SLC38A12: variants seen among roughly 807,000 people sequenced by gnomAD.
SLC38A12 encodes putative sodium-coupled neutral amino acid transporter 12.
At chr17:74,797,903 TGGCCCCTTG>T in the SLC38A12 span, among the ~76,000 whole-genome samples, 1 of 152,224 alleles carries the variant, frequency 6.6e-6, no homozygotes, top group East Asian at 1.9e-4. Flanking sequence ...TTCCATCAAG[TGGCCCCTTG>T]GGCCCCAGAG....
chr17:74,780,313 A>T, the SLC38A12 span, among the ~76,000 whole-genome samples: 1 of 152,196 alleles, frequency 6.6e-6, no homozygotes, highest in African/African-American at 2.4e-5. Flanking sequence ...TGCTGGGTGG[A>T]GACGAGGCAT....
chr17:74,825,739 A>C, the SLC38A12 span, among the ~76,000 whole-genome samples: 1 of 152,206 alleles, frequency 6.6e-6, no homozygotes, highest in South Asian at 2.1e-4. Context: ...GTCCCAGATC[A>C]CTCGTGGTTG....
the SLC38A12 span, among the ~76,000 whole-genome samples, chr17:74,797,526 T>A: frequency 6.6e-6 from 1 of 152,194 alleles, no homozygotes; most frequent in Non-Finnish European, 1.5e-5. Flanking sequence ...TTCTGTTTGC[T>A]CAGAGGCTTT....
the SLC38A12 span, chr17:74,795,202 C>CA: frequency 9.4e-7 from 1 of 1,064,736 alleles, no homozygotes; most frequent in Non-Finnish European, 1.4e-6. Context: ...AGCACCATGC[C>CA]AAGTGAGTTC....
the SLC38A12 span, among the ~76,000 whole-genome samples, chr17:74,787,277 C>G: frequency 6.6e-6 from 1 of 151,950 alleles, no homozygotes; most frequent in Non-Finnish European, 1.5e-5. Context: ...CTTGTCAACA[C>G]TCAGGGAGAG....
chr17:74,835,951 C>T, the SLC38A12 span: 1 of 1,610,670 alleles, frequency 6.2e-7, no homozygotes, highest in Non-Finnish European at 8.5e-7. Flanking sequence ...ATTGTGCTGG[C>T]CCTGATCCGC....
At chr17:74,824,290 C>T in the SLC38A12 span, among the ~76,000 whole-genome samples, 1 of 152,176 alleles carries the variant, frequency 6.6e-6, no homozygotes, top group Non-Finnish European at 1.5e-5. Context: ...AAGGCAGGCT[C>T]ATCTCACAGA....
At chr17:74,786,301 C>T in the SLC38A12 span, among the ~76,000 whole-genome samples, 2 of 152,074 alleles carry the variant, frequency 1.3e-5, no homozygotes, top group Admixed American at 6.6e-5. Context: ...TCCATTCTCT[C>T]AACCGGGTAG....
the SLC38A12 span, chr17:74,836,276 C>T: frequency 6.2e-7 from 1 of 1,611,802 alleles, no homozygotes; most frequent in Admixed American, 1.7e-5. This position sits in a 1 kb window ranked among gnomAD's most constrained non-coding sequence, Gnocchi z 4.2. Flanking sequence ...TGGGCCTCTT[C>T]CCCGTCTTCA....
At chr17:74,800,326 A>T in the SLC38A12 span, among the ~76,000 whole-genome samples, 2 of 152,124 alleles carry the variant, frequency 1.3e-5, no homozygotes, top group African/African-American at 4.8e-5. Context: ...CATCATTGTC[A>T]CCGACTTGAT....
chr17:74,835,922 C>T, the SLC38A12 span: 1 of 1,594,980 alleles, frequency 6.3e-7, no homozygotes. Flanking sequence ...TCTCTCGTTT[C>T]CCAGCTTTCG....
At chr17:74,819,484 C>T in the SLC38A12 span, among the ~76,000 whole-genome samples, 2 of 152,232 alleles carry the variant, frequency 1.3e-5, no homozygotes, top group African/African-American at 2.4e-5. Context: ...CCTGGAATGA[C>T]ACCTGGGCCT....
the SLC38A12 span, among the ~76,000 whole-genome samples, chr17:74,817,072 T>C: frequency 2.9e-5 from 4 of 135,718 alleles, no homozygotes; most frequent in Non-Finnish European, 6.2e-5. Context: ...GCGCATGCCA[T>C]TGCCTCTGTC....
At chr17:74,816,111 A>G in the SLC38A12 span, among the ~76,000 whole-genome samples, 1 of 152,168 alleles carries the variant, frequency 6.6e-6, no homozygotes, top group Non-Finnish European at 1.5e-5. Context: ...CTGTGCTTAA[A>G]TCTCATTTCT....
chr17:74,838,886 G>C, the SLC38A12 span: 2 of 1,535,012 alleles, frequency 1.3e-6, no homozygotes, highest in African/African-American at 1.4e-5. Flanking sequence ...CCATTTTGCA[G>C]ATGGGCCCCC....
chr17:74,814,645 G>A, the SLC38A12 span, among the ~76,000 whole-genome samples: 1 of 152,172 alleles, frequency 6.6e-6, no homozygotes, highest in Non-Finnish European at 1.5e-5. Flanking sequence ...GTCAGGCACT[G>A]CCCCCCGCAG....
chr17:74,796,615 T>C, the SLC38A12 span, among the ~76,000 whole-genome samples: 1 of 152,276 alleles, frequency 6.6e-6, no homozygotes, highest in Non-Finnish European at 1.5e-5. Flanking sequence ...GCCTGGGCCA[T>C]GGAGAGGTTG....
At chr17:74,837,762 C>A in the SLC38A12 span, 14 of 985,778 alleles carry the variant, frequency 1.4e-5, no homozygotes, top group South Asian at 6.6e-4. Flanking sequence ...CATGCACGCA[C>A]TTGCTGGGCT....
chr17:74,830,958 C>T, the SLC38A12 span, among the ~76,000 whole-genome samples: 2 of 152,250 alleles, frequency 1.3e-5, no homozygotes, highest in Non-Finnish European at 2.9e-5. Context: ...CTCGCGGGGC[C>T]TCAGTGAGGC....
Sources: gnomAD v4.1 joint callset for allele counts (sites outside exome capture counted in the v4.1 genomes callset) on GRCh38, gnomAD v4.1.1 for gene constraint, Gnocchi (gnomAD v3.1) non-coding constraint, MANE v1.5 for transcripts, NCBI Gene and HGNC (gene_info 2026-07-23, HGNC 2026-07-21) for gene names.